Variants in STARD13 observed in about 807,000 individuals in gnomAD.
The protein encoded by STARD13 is stAR-related lipid transfer protein 13.
STARD13 carries 62 observed loss-of-function variants against 106.4 expected under a neutral mutation model. That is an observed-to-expected ratio of 0.58 (90% CI 0.48 to 0.72). The LOEUF (loss-of-function observed/expected upper bound fraction) is 0.72. STARD13 is among the 30% of genes least tolerant of loss of function. The pLI is 0.00. For missense variants in STARD13, 1,387 were observed against 1,424.0 expected (o/e 0.97, Z 0.42); for synonymous variants, 565 against 553.0 (o/e 1.02, Z -0.31).
At chr13:33,415,641 G>A in the STARD13 span, among the ~76,000 whole-genome samples, 2 of 151,760 alleles carry the variant, frequency 1.3e-5, no homozygotes, top group African/African-American at 2.4e-5. Flanking sequence ...TTGCTGCAGC[G>A]CTCCGCAGAC....
chr13:33,279,037 A>G (rs1891611972), intron 1 of STARD13, among the ~76,000 whole-genome samples: 1 of 152,160 alleles, frequency 6.6e-6, no homozygotes, highest in Non-Finnish European at 1.5e-5. Context: ...GATCATTCAA[A>G]TATCTGGTGT....
rs189309102 is a variant in STARD13 at position 33,107,559 on chromosome 13, T to G, written c.3048-625A>C. ...AAAGAAACATATGTGGGCCTGCTTATTGTCTTCACATACTTGAGTGGCTCT... is the reference window on the plus strand; with the variant it reads ...AAAGAAACATATGTGGGCCTGCTTAGTGTCTTCACATACTTGAGTGGCTCT... On this transcript the variant is annotated intron_variant, in intron 12 of 13. Transcript: ENST00000336934. 4.6e-5 allele frequency among the ~76,000 whole-genome samples: 7 copies of G among 152,288 alleles called. No individual in the cohort carries two copies. The East Asian group carries it at 1.4e-3, about 29-fold the overall frequency.
At chr13:33,305,985 T>G (rs1321319552) in intron 1 of STARD13, among the ~76,000 whole-genome samples, 1 of 152,184 alleles carries the variant, frequency 6.6e-6, no homozygotes, top group Non-Finnish European at 1.5e-5. Context: ...GCTTTAAAAT[T>G]TGTATGGAGC....
At chr13:33,295,449 AT>A (rs1236072077) in intron 1 of STARD13, among the ~76,000 whole-genome samples, 1 of 152,094 alleles carries the variant, frequency 6.6e-6, no homozygotes, top group Non-Finnish European at 1.5e-5. Context: ...TAATAAAAAG[AT>A]TTTTTTCTGA....
At chr13:33,401,032 T>A in the STARD13 span, among the ~76,000 whole-genome samples, 11 of 152,114 alleles carry the variant, frequency 7.2e-5, no homozygotes, top group African/African-American at 2.7e-4. Flanking sequence ...ATAAAAGGAA[T>A]ATGAAACAAT....
chr13:33,267,081 G>A (rs1890933101), intron 1 of STARD13, among the ~76,000 whole-genome samples: 1 of 152,166 alleles, frequency 6.6e-6, no homozygotes, highest in Admixed American at 6.5e-5. Context: ...ATCCTTCCAG[G>A]TGGAACACAA....
chr13:33,337,916 G>A (rs2077915003), intron 1 of STARD13, among the ~76,000 whole-genome samples: 2 of 152,204 alleles, frequency 1.3e-5, no homozygotes, highest in Non-Finnish European at 2.9e-5. Context: ...AACCAAATGA[G>A]GGGCCCTTCT....
chr13:33,644,289 T>C, the STARD13 span, among the ~76,000 whole-genome samples: 1 of 152,182 alleles, frequency 6.6e-6, no homozygotes, highest in African/African-American at 2.4e-5. Flanking sequence ...TTTCTTCACC[T>C]GTAAAATGGA....
At chr13:33,555,857 C>G in the STARD13 span, among the ~76,000 whole-genome samples, 1 of 152,184 alleles carries the variant, frequency 6.6e-6, no homozygotes, top group Non-Finnish European at 1.5e-5. Context: ...CTATGATGTT[C>G]AATCTCTTGT....
At chr13:33,414,643 G>A in the STARD13 span, among the ~76,000 whole-genome samples, 1 of 152,052 alleles carries the variant, frequency 6.6e-6, no homozygotes, top group Non-Finnish European at 1.5e-5. Flanking sequence ...AAGGACAGGT[G>A]GGGGTGGGAG....
chr13:33,513,285 C>T, the STARD13 span, among the ~76,000 whole-genome samples: 1 of 152,154 alleles, frequency 6.6e-6, no homozygotes, highest in Non-Finnish European at 1.5e-5. Context: ...GGCTGACTCA[C>T]CTGGGATCAC....
intron 1 of STARD13, among the ~76,000 whole-genome samples, chr13:33,212,474 G>T (rs1043812564): frequency 6.6e-6 from 1 of 152,150 alleles, no homozygotes; most frequent in Admixed American, 6.5e-5. Flanking sequence ...ACACTGAGTT[G>T]CTTGGGCACA....
At chr13:33,395,831 C>CATTT in the STARD13 span, among the ~76,000 whole-genome samples, 7 of 151,904 alleles carry the variant, frequency 4.6e-5, no homozygotes, top group Non-Finnish European at 8.8e-5. Flanking sequence ...TCCTTTTAAA[C>CATTT]ATTTATTTAT....
the STARD13 span, among the ~76,000 whole-genome samples, chr13:33,596,294 T>C: frequency 6.6e-6 from 1 of 152,218 alleles, no homozygotes; most frequent in African/African-American, 2.4e-5. Flanking sequence ...TATATTTTTA[T>C]CCTTATAAAA....
the STARD13 span, among the ~76,000 whole-genome samples, chr13:33,365,481 G>A: frequency 6.6e-6 from 1 of 152,274 alleles, no homozygotes; most frequent in South Asian, 2.1e-4. Context: ...GGCGACAGTC[G>A]GGGCTGGAGA....
At chr13:33,412,520 G>GA in the STARD13 span, among the ~76,000 whole-genome samples, 2 of 152,014 alleles carry the variant, frequency 1.3e-5, no homozygotes, top group African/African-American at 2.4e-5. Context: ...ACTAATTAAA[G>GA]ACAAAAATTG....
At chr13:33,491,010 C>T in the STARD13 span, among the ~76,000 whole-genome samples, 65 of 152,332 alleles carry the variant, frequency 4.3e-4, 1 homozygote, top group Non-Finnish European at 8.7e-4. Context: ...ATACCCCTGT[C>T]TCATATCCTG....
At chr13:33,192,636 T>C (rs1484818136) in intron 1 of STARD13, among the ~76,000 whole-genome samples, 1 of 152,194 alleles carries the variant, frequency 6.6e-6, no homozygotes, top group Non-Finnish European at 1.5e-5. Flanking sequence ...CAGTGGCTCA[T>C]GCCTGTAATC....
chr13:33,624,968 A>G, the STARD13 span, among the ~76,000 whole-genome samples: 18,431 of 152,186 alleles, frequency 0.12, 2,825 homozygotes, highest in African/African-American at 0.36. Flanking sequence ...TGTACAAGGA[A>G]GATGTCATCC....
Sources: gnomAD v4.1 joint callset for allele counts (sites outside exome capture counted in the v4.1 genomes callset) on GRCh38, gnomAD v4.1.1 for gene constraint, MANE v1.5 for transcripts, NCBI Gene and HGNC (gene_info 2026-07-23, HGNC 2026-07-21) for gene names.